Variants in CKAP5 observed in about 807,000 individuals in gnomAD.
CKAP5 encodes the protein cytoskeleton-associated protein 5.
CKAP5 carries 27 observed loss-of-function variants against 232.8 expected under a neutral mutation model. That is an observed-to-expected ratio of 0.12 (90% CI 0.09 to 0.16). The LOEUF (loss-of-function observed/expected upper bound fraction) is 0.16, where lower values mean the gene tolerates loss of function less well. CKAP5 is among the 10% of genes least tolerant of loss of function. The pLI is 1.00. For synonymous variants in CKAP5, 785 were observed against 841.1 expected (o/e 0.93, Z 1.16); for missense variants, 1,838 against 2,424.7 (o/e 0.76, Z 5.08).
At chr11:46,817,074 C>T (rs1592478787) in intron 3 of CKAP5, among the ~76,000 whole-genome samples, 1 of 151,060 alleles carries the variant, frequency 6.6e-6, no homozygotes, top group African/African-American at 2.4e-5. Context: ...CCATTGCACT[C>T]CAGCCAGGGC....
In CKAP5 at chr11:46,767,754, T is replaced by C. The variant is rs796330851; in HGVS notation, c.3323-91A>G. ...AAATATATAATGATGACAAGGAAGC[T>C]TGCAGTCTTAAATGTATCAATTTAT... is the stretch of plus-strand genomic sequence containing the variant. On this transcript the variant is annotated intron_variant, in intron 26 of 43. Transcript: ENST00000529230. 8 of 771,780 alleles carry C rather than the reference T, an allele frequency of 1.0e-5. No individual in the cohort carries two copies. In the African/African-American group the frequency reaches 1.2e-4, roughly 12 times the overall value. The allele number at this position is 771,780 out of a possible 1,614,324, so 47.8% of individuals were successfully genotyped here.
At chr11:46,837,301 A>G (rs1478806654) in intron 1 of CKAP5, among the ~76,000 whole-genome samples, 1 of 152,188 alleles carries the variant, frequency 6.6e-6, no homozygotes, top group Non-Finnish European at 1.5e-5. Context: ...TCAGAATTGG[A>G]GACACCAGTA....
chr11:46,764,348 T>C (rs928393869), intron 28 of CKAP5, among the ~76,000 whole-genome samples: 1 of 152,130 alleles, frequency 6.6e-6, no homozygotes, highest in Non-Finnish European at 1.5e-5. Context: ...GTGTTTGTAA[T>C]AGTGAAAGAC....
intron 27 of CKAP5, 58 bp from the exon 28 acceptor site, chr11:46,765,314 A>C: frequency 2.0e-6 from 3 of 1,489,150 alleles, no homozygotes; most frequent in Non-Finnish European, 2.7e-6. Context: ...TAAGAATATG[A>C]TGCTGCTGCC....
chr11:46,756,917 G>A lies in CKAP5; in HGVS notation c.4690-1850C>T, dbSNP rs187730265. On this transcript the variant is annotated intron_variant, in intron 35 of 43. Transcript: ENST00000529230. ...ATTACAGGCATGTGCCACTATGCCC[G>A]GCTATTTTTTTTTTTTTTTGTATTT... Among the ~76,000 whole-genome samples the A allele has an allele frequency of 2.9e-3, 431 of 150,978 alleles. 2 individuals are homozygous for A. The highest frequency in any genetic ancestry group is 9.8e-3 in the African/African-American group (401 of 41,108).
rs1565721800 is a variant in CKAP5, at chr11:46,762,073, C to T, written c.4148G>A (p.Arg1383His). 1.9e-6 allele frequency: 3 copies of T among 1,614,076 alleles called. No homozygotes were observed. Among genetic ancestry groups the T allele is most frequent in the Non-Finnish European group, 2.5e-6 (3 of 1,179,926 alleles). Residue 1383 changes from arginine to histidine, a missense_variant, in exon 32 of 44, where the codon CGC becomes CAC. By Grantham distance (29) the Arg-to-His change is conservative. Transcript: ENST00000529230. ...VHIGDRDNAVRNAALNTIVTV... is the reference protein window; with the variant it reads ...VHIGDRDNAVHNAALNTIVTV... ...TACAATGGTGTTGAGTGCAGCATTG[C>T]GTACAGCATTGTCACGGTCTCCTAT...
rs189198798 is a variant in CKAP5 at position 46,837,805 on chromosome 11, A to C, written c.-38+8415T>G. Among the ~76,000 whole-genome samples, 422 of 152,326 alleles carry C rather than the reference A, an allele frequency of 2.8e-3. 2 individuals are homozygous for C. The highest frequency in any genetic ancestry group is 9.6e-3 in the African/African-American group (400 of 41,580). Reference sequence around the variant, plus strand: ...ATAAAATAAATATACTTGAGTCCACACTATTATCAGTAAATACTTGACTAA... The same window carrying C: ...ATAAAATAAATATACTTGAGTCCACCCTATTATCAGTAAATACTTGACTAA... On this transcript the variant is annotated intron_variant, in intron 1 of 43. Transcript: ENST00000529230.
rs752518674 is a variant in CKAP5, at chr11:46,778,274, A to G, written c.2613T>C (p.Asp871=). The part of the protein sequence containing the change: ...ITSELVSKIG[D]KNWKIRKEGL... The stretch of plus-strand genomic sequence containing the variant: ...CTTCTTTCCTAATCTTCCAATTCTT[A>G]TCACCAATCTTAGATACCAACTCTG... The change falls in exon 22 of 44, where the codon GAT becomes GAC. Residue 871 remains aspartate, a synonymous_variant. Coordinates refer to ENST00000529230, the MANE Select transcript of CKAP5 (RefSeq NM_001008938.4). The G allele has an allele frequency of 2.5e-6, 4 of 1,613,964 alleles. No homozygotes were observed. The highest frequency in any genetic ancestry group is 3.4e-6 in the Non-Finnish European group (4 of 1,179,888).
intron 18 of CKAP5, among the ~76,000 whole-genome samples, chr11:46,781,032 G>A (rs925424966): frequency 2.4e-4 from 37 of 152,278 alleles, no homozygotes; most frequent in African/African-American, 8.7e-4. Context: ...CTGAACTCCA[G>A]ATTCACATCA....
chr11:46,845,440 AC>A (rs1376052529), intron 1 of CKAP5, among the ~76,000 whole-genome samples: 1 of 152,180 alleles, frequency 6.6e-6, no homozygotes, highest in Non-Finnish European at 1.5e-5. Context: ...TCTGGCAACA[AC>A]CCTTTCATCA....
chr11:46,769,994 C>T lies in CKAP5; in HGVS notation c.3291G>A (p.Gly1097=). Reference sequence around the variant, plus strand: ...CAGGCTGGAATTTGGCTGGAGCGGACCCTCCCATTGGTTTAGAAGTTGCTT... The same window carrying T: ...CAGGCTGGAATTTGGCTGGAGCGGATCCTCCCATTGGTTTAGAAGTTGCTT... ...PTKATSKPMG[G]SAPAKFQPAS... The change falls in exon 26 of 44, where the codon GGG becomes GGA. Residue 1097 remains glycine, a synonymous_variant. Coordinates refer to ENST00000529230, the MANE Select transcript of CKAP5 (RefSeq NM_001008938.4). The T allele has an allele frequency of 1.2e-6, 2 of 1,614,126 alleles. No individual in the cohort carries two copies. The highest frequency in any genetic ancestry group is 1.7e-6 in the Non-Finnish European group (2 of 1,180,004).
At chr11:46,771,478 T>G (rs781691303) in intron 24 of CKAP5, among the ~76,000 whole-genome samples, 7 of 151,860 alleles carry the variant, frequency 4.6e-5, no homozygotes, top group Non-Finnish European at 1.0e-4. Flanking sequence ...GGCATAATCT[T>G]GGCTCGCAGG....
Position 46,765,183 on chromosome 11 carries a change from A to G in CKAP5, c.3485T>C (p.Ile1162Thr). The change falls in exon 28 of 44, where the codon ATT becomes ACT. Residue 1162 changes from isoleucine to threonine, a missense_variant. Physicochemically the swap from Ile to Thr is moderately conservative, Grantham distance 89 (BLOSUM62 -1). Transcript: ENST00000529230. ...TTGCTCTTTTCCATTTGGAACAACAATAAAAATAGGCCCGGATTTGTCTTC... is the reference window on the plus strand; with the variant it reads ...TTGCTCTTTTCCATTTGGAACAACAGTAAAAATAGGCCCGGATTTGTCTTC... Reference protein sequence around the residue: ...EDEDKSGPIFIVVPNGKEQRM... With the variant: ...EDEDKSGPIFTVVPNGKEQRM... 6.2e-7 allele frequency: 1 copy of G among 1,613,290 alleles called. No homozygotes were observed. The highest frequency in any genetic ancestry group is 8.5e-7 in the Non-Finnish European group (1 of 1,179,664).
intron 8 of CKAP5, among the ~76,000 whole-genome samples, chr11:46,806,824 TTG>T (rs955500300): frequency 6.6e-6 from 1 of 152,218 alleles, no homozygotes; most frequent in Non-Finnish European, 1.5e-5. Context: ...TGTGAACATT[TTG>T]TGTTGTCTAT....
At chr11:46,821,319 A>G (rs958514376) in intron 1 of CKAP5, 51 bp from the exon 2 acceptor site, 9 of 822,014 alleles carry the variant, frequency 1.1e-5, no homozygotes, top group Non-Finnish European at 1.8e-5. Context: ...GTCTCTTAAG[A>G]CAAAAATAAC....
chr11:46,845,896 C>T (rs567444220), intron 1 of CKAP5, among the ~76,000 whole-genome samples: 2 of 152,176 alleles, frequency 1.3e-5, no homozygotes, highest in South Asian at 2.1e-4. Context: ...CCGCCCTAGT[C>T]TTGGTAAATC....
chr11:46,796,977 A>C (rs1938891502), intron 11 of CKAP5, 37 bp from the exon 12 acceptor site: 1 of 1,608,472 alleles, frequency 6.2e-7, no homozygotes, highest in Admixed American at 1.7e-5. Context: ...TATTAATGCA[A>C]GGTATTTTAG....
chr11:46,786,358 T>TG (rs1185264648), intron 16 of CKAP5, among the ~76,000 whole-genome samples: 1 of 152,032 alleles, frequency 6.6e-6, no homozygotes, highest in East Asian at 1.9e-4. Context: ...CACTGGCAGG[T>TG]GGGGGGACAG....
At chr11:46,789,109 A>T (rs541648315) in intron 15 of CKAP5, among the ~76,000 whole-genome samples, 1 of 152,330 alleles carries the variant, frequency 6.6e-6, no homozygotes, top group Admixed American at 6.5e-5. Context: ...AACTGCTTAT[A>T]TGTATTTTCT....
Sources: allele counts gnomAD v4.1 joint callset (sites outside exome capture counted in the v4.1 genomes callset), GRCh38; gene constraint gnomAD v4.1.1; transcripts MANE v1.5; gene names NCBI Gene and HGNC (gene_info 2026-07-23, HGNC 2026-07-21).